Variants in GNG7 observed in about 807,000 individuals in gnomAD.
The protein encoded by GNG7 is guanine nucleotide-binding protein G(I)/G(S)/G(O) subunit gamma-7.
Under a neutral mutation model 4.0 loss-of-function variants are expected in GNG7, and 1 was observed. The ratio of observed to expected loss-of-function variants is 0.25; its 90% CI spans 0.09 to 1.18. The LOEUF is 1.18. Ranked by LOEUF, GNG7 falls within the 50% of genes most tolerant of loss-of-function variation. The pLI, the probability that GNG7 is intolerant of heterozygous loss-of-function variation, is 0.50. For synonymous variants in GNG7, 34 were observed against 36.9 expected (o/e 0.92, Z 0.29); for missense variants, 86 against 91.9 (o/e 0.94, Z 0.26).
At chr19:2,616,821 G>C (rs113223121) in intron 2 of GNG7, among the ~76,000 whole-genome samples, 4 of 152,156 alleles carry the variant, frequency 2.6e-5, no homozygotes, top group African/African-American at 9.6e-5. Flanking sequence ...GGCAAGGCTG[G>C]TGACCAGGGC....
intron 2 of GNG7, among the ~76,000 whole-genome samples, chr19:2,559,635 C>T (rs1261027817): frequency 6.6e-6 from 1 of 152,156 alleles, no homozygotes; most frequent in Non-Finnish European, 1.5e-5. Flanking sequence ...CTGCCTCAGC[C>T]TCCCGAGTAG....
At position 2,674,039 on chromosome 19, in the gene GNG7, G is replaced by A. The variant is rs1048604153; in HGVS notation, c.-134-27759C>T. Among the ~76,000 whole-genome samples the A allele has an allele frequency of 3.9e-5, 6 of 152,128 alleles. 1 individual carries two copies. Among genetic ancestry groups the A allele is most frequent in the South Asian group, 4.1e-4 (2 of 4,832 alleles). ...AGCACTTTGGGAGGCCAAGGTGGGC[G>A]GATCACCCAAGGTCAGGAGTTTGAG... On this transcript the variant is annotated intron_variant, in intron 1 of 4. Coordinates refer to ENST00000382159, the MANE Select transcript of GNG7 (RefSeq NM_052847.3).
At chr19:2,692,053 C>A (rs764078854) in intron 1 of GNG7, among the ~76,000 whole-genome samples, 6 of 152,152 alleles carry the variant, frequency 3.9e-5, no homozygotes, top group Admixed American at 1.3e-4. Flanking sequence ...CCTGCTCACA[C>A]CGTGACTTCA....
rs1003672823 is a variant in GNG7 at position 2,611,300 on chromosome 19, T to G, written c.-78+34924A>C. 6 of 152,250 alleles carry G rather than the reference T, an allele frequency of 3.9e-5. No individual in the cohort carries two copies. Among genetic ancestry groups the G allele is most frequent in the Non-Finnish European group, 2.9e-5 (2 of 68,118 alleles). The allele number at this position is 152,250 out of a possible 1,614,324, so 9.4% of individuals were successfully genotyped here. On this transcript the variant is annotated intron_variant, in intron 2 of 4. Coordinates refer to ENST00000382159, the MANE Select transcript of GNG7 (RefSeq NM_052847.3). This position sits in a 1 kb window ranked among gnomAD's most constrained non-coding sequence, Gnocchi z 6.0. ...AATTCCGCCTGGCGAGCGTCTAGAC[T>G]GCGGTGTTTCTGGGACGCTGGGAGC...
At chr19:2,615,629 AT>A (rs1195029403) in intron 2 of GNG7, among the ~76,000 whole-genome samples, 8 of 149,524 alleles carry the variant, frequency 5.4e-5, no homozygotes, top group Non-Finnish European at 1.2e-4. Flanking sequence ...CGCCTGGCTA[AT>A]TTTTTTGTAT....
intron 1 of GNG7, among the ~76,000 whole-genome samples, chr19:2,650,953 C>T (rs1298262079): frequency 6.6e-6 from 1 of 152,168 alleles, no homozygotes; most frequent in Non-Finnish European, 1.5e-5. Flanking sequence ...GATTTCAAGG[C>T]GCCAATAGCC....
In GNG7 at chr19:2,513,649, C is replaced by T. The variant is rs1026866845; in HGVS notation, c.*1373G>A. 11 of 854,228 alleles carry T rather than the reference C, an allele frequency of 1.3e-5. No individual in the cohort carries two copies. The highest frequency in any genetic ancestry group is 1.2e-4 in the East Asian group (1 of 8,196). 52.9% of individuals were successfully genotyped at this position (854,228 alleles called of 1,614,324 possible). ...GGTGGAAAAGCAAAAAGATCGGGTTCGAGCGACAGGGTAACGTTTTGAGCG... is the reference window on the plus strand; with the variant it reads ...GGTGGAAAAGCAAAAAGATCGGGTTTGAGCGACAGGGTAACGTTTTGAGCG... On this transcript the variant is annotated 3_prime_UTR_variant, in exon 5 of 5. Transcript: ENST00000382159.
chr19:2,637,215 C>CCA (rs961558624), intron 2 of GNG7, among the ~76,000 whole-genome samples: 8 of 151,702 alleles, frequency 5.3e-5, no homozygotes, highest in Non-Finnish European at 8.9e-5. Flanking sequence ...AACAGGCTCC[C>CCA]CCCGCCCCCG....
chr19:2,641,921 TC>T, intron 2 of GNG7: 1 of 152,176 alleles, frequency 6.6e-6, no homozygotes, highest in African/African-American at 2.4e-5. Flanking sequence ...CACCTCGACC[TC>T]CCAAAGTGCT....
intron 1 of GNG7, among the ~76,000 whole-genome samples, chr19:2,691,901 C>T (rs939452558): frequency 4.6e-5 from 7 of 150,934 alleles, no homozygotes; most frequent in Admixed American, 2.0e-4. Context: ...GAAATTTCCA[C>T]GGACACCCGG....
chr19:2,604,518 A>C (rs549533267), intron 2 of GNG7, among the ~76,000 whole-genome samples: 1 of 69,414 alleles, frequency 1.4e-5, no homozygotes, highest in Non-Finnish European at 2.7e-5. Context: ...GAAGCGAGGG[A>C]GGGAGGGAGG....
At chr19:2,568,374 T>C (rs1388611887) in intron 2 of GNG7, among the ~76,000 whole-genome samples, 2 of 148,298 alleles carry the variant, frequency 1.3e-5, no homozygotes, top group Non-Finnish European at 3.0e-5. Flanking sequence ...TACACACATA[T>C]AGACACACAT....
rs994925387 is a variant in GNG7 at position 2,634,947 on chromosome 19, C to G, written c.-78+11277G>C. ...CTACCAGAAAAACACACTCGGTGAT[C>G]TGGAGGTCGCAAAGTTCTTCCGCAC... is the stretch of plus-strand genomic sequence containing the variant. On this transcript the variant is annotated intron_variant, in intron 2 of 4. Transcript: ENST00000382159. The surrounding 1 kb of genome is among the most constrained non-coding windows in gnomAD (Gnocchi z 5.3). Among the ~76,000 whole-genome samples, 3 of 152,050 alleles carry G rather than the reference C, an allele frequency of 2.0e-5. No individual in the cohort carries two copies. Among genetic ancestry groups the G allele is most frequent in the African/African-American group, 7.2e-5 (3 of 41,388 alleles).
At chr19:2,598,698 T>C (rs1981109032) in intron 2 of GNG7, among the ~76,000 whole-genome samples, 1 of 145,526 alleles carries the variant, frequency 6.9e-6, no homozygotes. Flanking sequence ...ATAATAATAA[T>C]AATAATAATA....
At chr19:2,568,533 A>G (rs1221785960) in intron 2 of GNG7, among the ~76,000 whole-genome samples, 2 of 150,372 alleles carry the variant, frequency 1.3e-5, no homozygotes, top group African/African-American at 5.0e-5. Flanking sequence ...ACGTGCACAT[A>G]TACACACATA....
chr19:2,593,288 G>C (rs986523357), intron 2 of GNG7, among the ~76,000 whole-genome samples: 2 of 152,024 alleles, frequency 1.3e-5, no homozygotes, highest in Non-Finnish European at 2.9e-5. Context: ...AAAATGTATA[G>C]TGGAAAATTC....
At chr19:2,689,622 CAAAAAAAA>C (rs58020172) in intron 1 of GNG7, among the ~76,000 whole-genome samples, 2 of 37,950 alleles carry the variant, frequency 5.3e-5, no homozygotes, top group East Asian at 5.0e-4. Context: ...GACTCCAACT[CAAAAAAAA>C]AAAAAAAAAA....
At chr19:2,613,096 G>C (rs1052088647) in intron 2 of GNG7, among the ~76,000 whole-genome samples, 1 of 152,186 alleles carries the variant, frequency 6.6e-6, no homozygotes, top group African/African-American at 2.4e-5. Flanking sequence ...ACCAGCCAGG[G>C]AAAGGGATGG....
chr19:2,636,067 G>A (rs1446977656), intron 2 of GNG7, among the ~76,000 whole-genome samples: 1 of 152,178 alleles, frequency 6.6e-6, no homozygotes, highest in Non-Finnish European at 1.5e-5. Flanking sequence ...ACAGGAGCCA[G>A]GGGGAGAGAG....
Sources: allele counts gnomAD v4.1 joint callset (sites outside exome capture counted in the v4.1 genomes callset), GRCh38; gene constraint gnomAD v4.1.1; non-coding constraint Gnocchi (gnomAD v3.1); transcripts MANE v1.5; gene names NCBI Gene and HGNC (gene_info 2026-07-23, HGNC 2026-07-21).